The following EPB41L1 variants were observed in gnomAD, a reference collection of about 807,000 sequenced individuals.
EPB41L1 encodes the protein band 4.1-like protein 1.
A neutral mutation model predicts 97.8 loss-of-function variants in EPB41L1; 29 were observed. The observed-to-expected ratio is 0.30, with a 90% confidence interval of 0.22 to 0.40. The LOEUF (loss-of-function observed/expected upper bound fraction) is 0.40. Among genes scored for constraint, EPB41L1 ranks in the 10% least tolerant of loss-of-function variants. The pLI, the probability that EPB41L1 is intolerant of heterozygous loss-of-function variation, is 1.00. For synonymous variants in EPB41L1, 383 were observed against 459.2 expected (o/e 0.83, Z 2.12); for missense variants, 812 against 1,162.3 (o/e 0.70, Z 4.38).
At chr20:36,129,100 A>G (rs1185050077) in intron 2 of EPB41L1, among the ~76,000 whole-genome samples, 3 of 143,064 alleles carry the variant, frequency 2.1e-5, no homozygotes, top group African/African-American at 7.5e-5. Flanking sequence ...TCTAAGGGAC[A>G]TGTCTCAAAG....
At chr20:36,216,037 G>A (rs912049253) in intron 17 of EPB41L1, among the ~76,000 whole-genome samples, 23 of 152,180 alleles carry the variant, frequency 1.5e-4, no homozygotes, top group African/African-American at 5.6e-4. Context: ...GAGGGGGAAC[G>A]AAAGCAATCT....
At chr20:36,101,807 G>C (rs775208942) in intron 1 of EPB41L1, among the ~76,000 whole-genome samples, 1 of 152,032 alleles carries the variant, frequency 6.6e-6, no homozygotes, top group Admixed American at 6.5e-5. Flanking sequence ...TCAGGGGTTC[G>C]AGACCAGCCT....
chr20:36,224,617 G>C (rs1221008590), intron 21 of EPB41L1, among the ~76,000 whole-genome samples: 1 of 152,186 alleles, frequency 6.6e-6, no homozygotes, highest in Non-Finnish European at 1.5e-5. Flanking sequence ...TTGCACTTCA[G>C]CCTGGGCAAC....
rs2064389822 is a variant in EPB41L1, at chr20:36,229,486, A to C, written c.*146A>C. The C allele has an allele frequency of 1.1e-5, 8 of 737,020 alleles. No individual in the cohort carries two copies. The highest frequency in any genetic ancestry group is 9.1e-5 in the South Asian group (6 of 66,208). The allele number at this position is 737,020 out of a possible 1,614,324, so 45.7% of individuals were successfully genotyped here. A position where few individuals can be genotyped will look rare whatever the true frequency, so the allele number is the denominator to read the frequency against. On this transcript the variant is annotated 3_prime_UTR_variant, in exon 22 of 22. Transcript: ENST00000338074. ...GATGAGAGACTGGGAAGGGAAAAGC[A>C]TATATATATAGATATATAGAGATAT...
chr20:36,105,562 C>T (rs1340271789), intron 1 of EPB41L1, among the ~76,000 whole-genome samples: 2 of 152,144 alleles, frequency 1.3e-5, no homozygotes, highest in African/African-American at 4.8e-5. Context: ...CAGGCACTGC[C>T]CTTGATTTCA....
chr20:36,126,157 A>C (rs1483829398), intron 2 of EPB41L1, among the ~76,000 whole-genome samples: 1 of 151,944 alleles, frequency 6.6e-6, no homozygotes, highest in African/African-American at 2.4e-5. Flanking sequence ...ATCTTTCTAA[A>C]ATCTCTGAAT....
rs1042900843 is a variant in EPB41L1 at position 36,232,217 on chromosome 20, C to T, written c.*2877C>T. 4.8e-5 allele frequency: 8 copies of T among 168,288 alleles called. No homozygotes were observed. Among genetic ancestry groups the T allele is most frequent in the African/African-American group, 1.9e-4 (8 of 42,122 alleles). 10.4% of individuals were successfully genotyped at this position (168,288 alleles called of 1,614,324 possible). On this transcript the variant is annotated 3_prime_UTR_variant, in exon 22 of 22. Transcript: ENST00000338074. Reference sequence around the variant, plus strand: ...GACGTTTGTCTTGTCTGTCTTCAACCTACTTTTCCTTTTCTCTTTTTTGTT... The same window carrying T: ...GACGTTTGTCTTGTCTGTCTTCAACTTACTTTTCCTTTTCTCTTTTTTGTT...
At chr20:36,199,306 T>C (rs1478718034) in intron 14 of EPB41L1, among the ~76,000 whole-genome samples, 1 of 151,982 alleles carries the variant, frequency 6.6e-6, no homozygotes, top group East Asian at 1.9e-4. Flanking sequence ...CCCAATTTTC[T>C]TGTGACCCAG....
chr20:36,196,829 T>C (rs1463930617), intron 13 of EPB41L1, among the ~76,000 whole-genome samples: 1 of 152,250 alleles, frequency 6.6e-6, no homozygotes, highest in Non-Finnish European at 1.5e-5. Flanking sequence ...GCCCCAGAAG[T>C]AGCCAGATAA....
intron 1 of EPB41L1, chr20:36,091,790 G>A (rs1396246651): frequency 6.6e-6 from 1 of 152,208 alleles, no homozygotes; most frequent in Non-Finnish European, 1.5e-5. Flanking sequence ...CCTAGGGCAG[G>A]AATTCCTTTC....
At chr20:36,187,628 A>T (rs2295567) in intron 7 of EPB41L1, 48 bp from the exon 8 acceptor site, 1 of 1,532,894 alleles carries the variant, frequency 6.5e-7, no homozygotes, top group East Asian at 2.3e-5. Context: ...AGCAGGACTA[A>T]ACCTGGGCCT....
At position 36,212,359 on chromosome 20, in the gene EPB41L1, G is replaced by A. The variant is rs761484860; in HGVS notation, c.2167G>A (p.Ala723Thr). 7.4e-6 allele frequency: 12 copies of A among 1,614,008 alleles called. No homozygotes were observed. Among genetic ancestry groups the A allele is most frequent in the Middle Eastern group, 1.6e-4 (1 of 6,084 alleles). The change falls in exon 16 of 22, where the codon GCT becomes ACT. Residue 723 changes from alanine (A) to threonine (T), a missense_variant. Ala to Thr is a moderately conservative substitution (Grantham distance 58). This residue lies in a region of EPB41L1 where 498 missense variants were observed against 622.7 expected (regional missense o/e 0.80). Coordinates refer to ENST00000338074, the MANE Select transcript of EPB41L1 (RefSeq NM_012156.2). This position sits in a 1 kb window ranked among gnomAD's most constrained non-coding sequence, Gnocchi z 4.8. ...GGCCGTACTGCAGACCAGAGTCTCC[G>A]CTATGGATAACACCCAGGTAACTTG... ...PEAVLQTRVSAMDNTQQVDGS... is the reference protein window; with the variant it reads ...PEAVLQTRVSTMDNTQQVDGS...
In EPB41L1 at chr20:36,219,779, C is replaced by T; in HGVS notation, c.2374C>T (p.Leu792Phe). 6.2e-7 allele frequency: 1 copy of T among 1,614,206 alleles called. No individual in the cohort carries two copies. Among genetic ancestry groups the T allele is most frequent in the South Asian group, 1.1e-5 (1 of 91,084 alleles). The change falls in exon 19 of 22, where the codon CTC becomes TTC. Residue 792 changes from leucine to phenylalanine, a missense_variant. By Grantham distance (22) the Leu-to-Phe change is conservative. Transcript: ENST00000338074. ...TCTGCAGATCATCGGGAAAGATGTC[C>T]TCACCAGCACCTACGGCGCCACTGC... ...SLSPIIGKDV[L>F]TSTYGATAET...
At chr20:36,184,814 G>A (rs917980634) in intron 6 of EPB41L1, among the ~76,000 whole-genome samples, 4 of 152,214 alleles carry the variant, frequency 2.6e-5, no homozygotes, top group African/African-American at 9.6e-5. Flanking sequence ...ACGACATTTT[G>A]TAATGGACAA....
chr20:36,218,811 G>A, intron 17 of EPB41L1, 65 bp from the exon 18 acceptor site: 3 of 1,468,804 alleles, frequency 2.0e-6, no homozygotes, highest in Non-Finnish European at 9.5e-7. Flanking sequence ...ATGGCCACAT[G>A]CTCCGCCCAT....
chr20:36,139,696 T>C (rs991781304), intron 2 of EPB41L1, among the ~76,000 whole-genome samples: 1 of 152,014 alleles, frequency 6.6e-6, no homozygotes, highest in African/African-American at 2.4e-5. Flanking sequence ...ATCTGTGCAG[T>C]AAAGGGATAG....
In EPB41L1 at chr20:36,172,703, C is replaced by T. The variant is rs1219389345; in HGVS notation, c.-14-1061C>T. ...GCAACCTCCGCCTCCCAGGTTCAAG[C>T]GATTCTCCTGCCTCAGCCTCCTGAG... On this transcript the variant is annotated intron_variant, in intron 1 of 21. Coordinates refer to ENST00000338074, the MANE Select transcript of EPB41L1 (RefSeq NM_012156.2). 2.0e-4 allele frequency among the ~76,000 whole-genome samples: 30 copies of T among 152,168 alleles called. 1 individual carries two copies. The highest frequency in any genetic ancestry group is 7.2e-4 in the African/African-American group (30 of 41,436).
At chr20:36,202,164 T>C (rs1282392026) in intron 14 of EPB41L1, among the ~76,000 whole-genome samples, 1 of 152,188 alleles carries the variant, frequency 6.6e-6, no homozygotes, top group Non-Finnish European at 1.5e-5. Flanking sequence ...AGGTGCCCAT[T>C]TGGGGAGCAG....
intron 1 of EPB41L1, among the ~76,000 whole-genome samples, chr20:36,094,293 A>G (rs2057760100): frequency 6.6e-6 from 1 of 152,178 alleles, no homozygotes; most frequent in Non-Finnish European, 1.5e-5. Context: ...TTTGCTGCCA[A>G]ATGGAATAGA....
Sources: gnomAD v4.1 joint callset for allele counts (sites outside exome capture counted in the v4.1 genomes callset) on GRCh38, gnomAD v4.1.1 for gene constraint, gnomAD v4.1.1 regional missense constraint, Gnocchi (gnomAD v3.1) non-coding constraint, MANE v1.5 for transcripts, NCBI Gene and HGNC (gene_info 2026-07-23, HGNC 2026-07-21) for gene names.